The following SRCIN1 variants were observed in gnomAD, a reference collection of about 807,000 sequenced individuals.
The protein encoded by SRCIN1 is P130Cas-associated protein.
A neutral mutation model predicts 116.2 loss-of-function variants in SRCIN1; 50 were observed. The observed-to-expected ratio is 0.43, with a 90% confidence interval of 0.34 to 0.54. SRCIN1 has a LOEUF of 0.54. SRCIN1 is among the 20% of genes least tolerant of loss of function. SRCIN1 has a pLI of 0.02. For synonymous variants in SRCIN1, 736 were observed against 750.0 expected (o/e 0.98, Z 0.30); for missense variants, 1,446 against 1,672.0 (o/e 0.86, Z 2.36).
At chr17:38,554,032 G>A (rs1266329501) in intron 11 of SRCIN1, among the ~76,000 whole-genome samples, 5 of 152,144 alleles carry the variant, frequency 3.3e-5, no homozygotes, top group African/African-American at 4.8e-5. Flanking sequence ...CCAATATGGC[G>A]AAACCCTGTC....
At chr17:38,548,139 G>A (rs116181737) in intron 17 of SRCIN1, among the ~76,000 whole-genome samples, 1 of 152,128 alleles carries the variant, frequency 6.6e-6, no homozygotes, top group Admixed American at 6.5e-5. Context: ...ACACTGCTGG[G>A]AGAGTCGAGG....
chr17:38,562,380 C>T lies in SRCIN1; in HGVS notation c.835-52G>A. The T allele has an allele frequency of 7.2e-7, 1 of 1,392,282 alleles. No individual in the cohort carries two copies. The highest frequency in any genetic ancestry group is 1.6e-5 in the South Asian group (1 of 63,592). The allele number at this position is 1,392,282 out of a possible 1,614,324, so 86.2% of individuals were successfully genotyped here. ...ACGGGGCTGGTCACCAAGGACACCC[C>T]TGTCCCTTGCTTGAGGAGCCAGCAT... On this transcript the variant is annotated intron_variant, in intron 6 of 18. Transcript: ENST00000617146. This position sits in a 1 kb window ranked among gnomAD's most constrained non-coding sequence, Gnocchi z 4.2.
chr17:38,569,813 G>C (rs1213946817), intron 2 of SRCIN1, among the ~76,000 whole-genome samples: 2 of 152,182 alleles, frequency 1.3e-5, no homozygotes, highest in African/African-American at 2.4e-5. Flanking sequence ...AGGTACTGAG[G>C]GTAGGGGAGA....
intron 3 of SRCIN1, among the ~76,000 whole-genome samples, chr17:38,565,868 A>G (rs561815838): frequency 4.6e-5 from 7 of 152,072 alleles, no homozygotes; most frequent in Non-Finnish European, 5.9e-5. Flanking sequence ...GGAAGGCAGC[A>G]TAGAAATGGG....
chr17:38,603,772 C>T (rs1909199636), intron 1 of SRCIN1, among the ~76,000 whole-genome samples: 1 of 151,986 alleles, frequency 6.6e-6, no homozygotes, highest in Non-Finnish European at 1.5e-5. Flanking sequence ...TCTTGGAAAC[C>T]CTCCCCTTAT....
rs968201687 is a variant in SRCIN1 at position 38,563,225 on chromosome 17, G to C, written c.740+98C>G. On this transcript the variant is annotated intron_variant, in intron 5 of 18. Coordinates refer to ENST00000617146, the MANE Select transcript of SRCIN1 (RefSeq NM_025248.3). The surrounding 1 kb of genome is among the most constrained non-coding windows in gnomAD (Gnocchi z 5.8). ...GGAGGGGAGGGGAAAGGCTGAGGTC[G>C]GGTCAGGAAGGAGCTGGGGAAGGGC... 4.5e-5 allele frequency: 62 copies of C among 1,374,332 alleles called. No homozygotes were observed. The highest frequency in any genetic ancestry group is 5.9e-5 in the Non-Finnish European group (59 of 1,008,106). The allele number at this position is 1,374,332 out of a possible 1,614,324, so 85.1% of individuals were successfully genotyped here.
rs1904969720 is a variant in SRCIN1 at position 38,544,677 on chromosome 17, G to C, written c.3271-708C>G. 6.6e-6 allele frequency: 1 copy of C among 152,212 alleles called. No individual in the cohort carries two copies. Among genetic ancestry groups the C allele is most frequent in the South Asian group, 2.1e-4 (1 of 4,832 alleles). 9.4% of individuals were successfully genotyped at this position (152,212 alleles called of 1,614,324 possible). A position where few individuals can be genotyped will look rare whatever the true frequency, so the allele number is the denominator to read the frequency against. On this transcript the variant is annotated intron_variant, in intron 17 of 18. Transcript: ENST00000617146. This position sits in a 1 kb window ranked among gnomAD's most constrained non-coding sequence, Gnocchi z 4.5. ...AGGCTGGGGATTGGCCGGCCCCTGGGTAGGCCGGCTTCCCAGCCTCCCCCG... is the reference window on the plus strand; with the variant it reads ...AGGCTGGGGATTGGCCGGCCCCTGGCTAGGCCGGCTTCCCAGCCTCCCCCG...
Position 38,604,472 on chromosome 17 carries a change from T to C in SRCIN1, c.22+1212A>G, listed in dbSNP as rs1293218865. The C allele has an allele frequency of 1.1e-5, 5 of 453,612 alleles. No individual in the cohort carries two copies. The highest frequency in any genetic ancestry group is 2.2e-5 in the Non-Finnish European group (5 of 225,704). 28.1% of individuals were successfully genotyped at this position (453,612 alleles called of 1,614,324 possible). A position where few individuals can be genotyped will look rare whatever the true frequency, so the allele number is the denominator to read the frequency against. Reference sequence around the variant, plus strand: ...CCCTCCTTGCATACTTCCCCGCGCCTGCTCACCTGGCTCCCCTCGGCCCCC... The same window carrying C: ...CCCTCCTTGCATACTTCCCCGCGCCCGCTCACCTGGCTCCCCTCGGCCCCC... On this transcript the variant is annotated intron_variant, in intron 1 of 18. Coordinates refer to ENST00000617146, the MANE Select transcript of SRCIN1 (RefSeq NM_025248.3). This position sits in a 1 kb window ranked among gnomAD's most constrained non-coding sequence, Gnocchi z 4.3.
At chr17:38,559,834 T>G in intron 9 of SRCIN1, 62 bp from the exon 10 acceptor site, 1 of 1,453,462 alleles carries the variant, frequency 6.9e-7, no homozygotes, top group Non-Finnish European at 9.1e-7. Context: ...AGGACTGGGC[T>G]GGGACAAAGT....
At position 38,533,358 on chromosome 17, in the gene SRCIN1, G is replaced by A; in HGVS notation, c.3491C>T (p.Ser1164Phe). Residue 1164 changes from serine (S) to phenylalanine (F), a missense_variant, in exon 19 of 19, where the codon TCC becomes TTC. Transcript: ENST00000617146. ...SSPVSEKPSA[S>F]RTSIPVLTSF... ...AGTCAATACAGGGATAGAGGTTCTGGAAGCCGAGGGCTTTTCTGAGACTGG... is the reference window on the plus strand; with the variant it reads ...AGTCAATACAGGGATAGAGGTTCTGAAAGCCGAGGGCTTTTCTGAGACTGG... The A allele has an allele frequency of 6.2e-7, 1 of 1,607,576 alleles. No homozygotes were observed. The highest frequency in any genetic ancestry group is 8.5e-7 in the Non-Finnish European group (1 of 1,177,242).
At chr17:38,557,612 C>A (rs1905892282) in intron 11 of SRCIN1, among the ~76,000 whole-genome samples, 1 of 152,250 alleles carries the variant, frequency 6.6e-6, no homozygotes, top group East Asian at 1.9e-4. Flanking sequence ...CAGCCATTTG[C>A]TAAATTTGGA....
intron 15 of SRCIN1, among the ~76,000 whole-genome samples, chr17:38,550,099 C>T (rs1427800324): frequency 6.6e-6 from 1 of 152,228 alleles, no homozygotes; most frequent in Non-Finnish European, 1.5e-5. Flanking sequence ...GGTTTACATA[C>T]TAGGCATGGT....
At position 38,558,988 on chromosome 17, in the gene SRCIN1, G is replaced by T. The variant is rs1168110181; in HGVS notation, c.2026-586C>A. On this transcript the variant is annotated intron_variant, in intron 10 of 18. Coordinates refer to ENST00000617146, the MANE Select transcript of SRCIN1 (RefSeq NM_025248.3). This position sits in a 1 kb window ranked among gnomAD's most constrained non-coding sequence, Gnocchi z 4.6. ...ACCCTGTTCCAAGCCTGAATGGCGG[G>T]GGTGGGCAAGATCTTACCCGTTGCC... The T allele has an allele frequency of 6.0e-6, 1 of 165,346 alleles. No individual in the cohort carries two copies. 10.2% of individuals were successfully genotyped at this position (165,346 alleles called of 1,614,324 possible).
At position 38,563,009 on chromosome 17, in the gene SRCIN1, G is replaced by A. The variant is rs991202639; in HGVS notation, c.741-89C>T. Reference sequence around the variant, plus strand: ...GGCTACTCCAGGCCTAGAGAAGAGGGGTGGCCAGAGGCACCGGGAGCCCCA... The same window carrying A: ...GGCTACTCCAGGCCTAGAGAAGAGGAGTGGCCAGAGGCACCGGGAGCCCCA... On this transcript the variant is annotated intron_variant, in intron 5 of 18. Transcript: ENST00000617146. The surrounding 1 kb of genome is among the most constrained non-coding windows in gnomAD (Gnocchi z 5.8). 81 of 1,115,280 alleles carry A rather than the reference G, an allele frequency of 7.3e-5. No individual in the cohort carries two copies. Among genetic ancestry groups the A allele is most frequent in the Non-Finnish European group, 1.0e-4 (76 of 757,800 alleles). The allele number at this position is 1,115,280 out of a possible 1,614,324, so 69.1% of individuals were successfully genotyped here.
intron 18 of SRCIN1, among the ~76,000 whole-genome samples, chr17:38,537,292 G>A (rs1010978852): frequency 1.6e-4 from 24 of 151,286 alleles, no homozygotes; most frequent in Non-Finnish European, 5.9e-5. Flanking sequence ...CCTGAGGTCA[G>A]GAGTTTGAGA....
intron 1 of SRCIN1, among the ~76,000 whole-genome samples, chr17:38,591,443 T>G (rs1908437158): frequency 6.6e-6 from 1 of 152,156 alleles, no homozygotes; most frequent in African/African-American, 2.4e-5. Context: ...GTAATCCCCA[T>G]GTCACCACCC....
rs1289595616 is a variant in SRCIN1, at chr17:38,552,266, C to T, written c.2481-134G>A. Reference sequence around the variant, plus strand: ...GGGAGGGCCTGGGGAGGAGTGACTGCCCCTGGTATAAGAGGAAGCCAGGTC... The same window carrying T: ...GGGAGGGCCTGGGGAGGAGTGACTGTCCCTGGTATAAGAGGAAGCCAGGTC... On this transcript the variant is annotated intron_variant, in intron 13 of 18. Coordinates refer to ENST00000617146, the MANE Select transcript of SRCIN1 (RefSeq NM_025248.3). This position sits in a 1 kb window ranked among gnomAD's most constrained non-coding sequence, Gnocchi z 5.3. 2.8e-6 allele frequency: 4 copies of T among 1,437,834 alleles called. No homozygotes were observed. Among genetic ancestry groups the T allele is most frequent in the Non-Finnish European group, 2.8e-6 (3 of 1,072,740 alleles). 89.1% of individuals were successfully genotyped at this position (1,437,834 alleles called of 1,614,324 possible). A position where few individuals can be genotyped will look rare whatever the true frequency, so the allele number is the denominator to read the frequency against.
At chr17:38,550,101 A>AG (rs1905288704) in intron 15 of SRCIN1, among the ~76,000 whole-genome samples, 1 of 152,228 alleles carries the variant, frequency 6.6e-6, no homozygotes, top group South Asian at 2.1e-4. Flanking sequence ...TTTACATACT[A>AG]GGCATGGTCC....
chr17:38,564,231 G>T lies in SRCIN1; in HGVS notation c.428C>A (p.Ser143Ter). Reference protein sequence around the residue: ...AAKLSYASAESLETMSEAELP... With the variant: ...AAKLSYASAE ...CTCGGCCTCCGACATGGTCTCCAGC[G>T]ACTCGGCGGAGGCGTAGGACAGCTT... is the stretch of plus-strand genomic sequence containing the variant. Residue 143 changes from serine (S) to a stop codon, truncating the protein, a stop_gained, in exon 4 of 19, where the codon TCG becomes TAG. Coordinates refer to ENST00000617146, the MANE Select transcript of SRCIN1 (RefSeq NM_025248.3). LOFTEE classifies it high-confidence loss of function. 6.3e-7 allele frequency: 1 copy of T among 1,580,332 alleles called. No homozygotes were observed. The highest frequency in any genetic ancestry group is 1.2e-5 in the South Asian group (1 of 86,180).
Sources: gnomAD v4.1 joint callset for allele counts (sites outside exome capture counted in the v4.1 genomes callset) on GRCh38, gnomAD v4.1.1 for gene constraint, Gnocchi (gnomAD v3.1) non-coding constraint, MANE v1.5 for transcripts, NCBI Gene and HGNC (gene_info 2026-07-23, HGNC 2026-07-21) for gene names.